API5: variants seen among roughly 807,000 people sequenced by gnomAD.
The protein encoded by API5 is FIF.
A neutral mutation model predicts 71.9 loss-of-function variants in API5; 6 were observed. That is an observed-to-expected ratio of 0.08 (90% CI 0.05 to 0.16). The LOEUF is 0.16. Among genes scored for constraint, API5 ranks in the 10% least tolerant of loss-of-function variants. The pLI is 1.00. For synonymous variants in API5, 189 were observed against 221.3 expected, an observed-to-expected ratio of 0.85 and a Z score of 1.30; for missense variants, 332 against 612.8, an observed-to-expected ratio of 0.54 and a Z score of 4.84.
chr11:43,336,537 C>T (rs1250659629), intron 13 of API5, among the ~76,000 whole-genome samples: 1 of 152,200 alleles, frequency 6.6e-6, no homozygotes, highest in East Asian at 1.9e-4. Context: ...ATCCTCCTAT[C>T]AGTGCTTCCT....
chr11:43,334,715 G>A (rs1020667088), intron 11 of API5, among the ~76,000 whole-genome samples: 1 of 151,934 alleles, frequency 6.6e-6, no homozygotes, highest in Non-Finnish European at 1.5e-5. Flanking sequence ...TGATCACTCG[G>A]TATTTAAATC....
intron 7 of API5, 56 bp from the exon 8 acceptor site, chr11:43,327,733 C>CA: frequency 8.2e-7 from 1 of 1,226,296 alleles, no homozygotes; most frequent in Non-Finnish European, 1.2e-6. Context: ...GAATTACTCT[C>CA]ATTTCATAAC....
chr11:43,313,249 T>C (rs962478495), intron 1 of API5, among the ~76,000 whole-genome samples: 1 of 152,206 alleles, frequency 6.6e-6, no homozygotes, highest in Non-Finnish European at 1.5e-5. Context: ...TTAACGATGC[T>C]TGCCCCCGAT....
In API5 at chr11:43,335,319, A is replaced by G. The variant is rs777641935; in HGVS notation, c.1320A>G (p.Thr440=). The G allele has an allele frequency of 6.8e-6, 11 of 1,607,388 alleles. No homozygotes were observed. The highest frequency in any genetic ancestry group is 1.3e-5 in the African/African-American group (1 of 74,872). ...HIPPSYKSTV[T]LSWKPVQKVE... ...CTCCTTCTTATAAGAGCACAGTAAC[A>G]CTATCCTGGAAACCTGTACAAAAGG... Residue 440 remains threonine (T), a synonymous_variant, in exon 12 of 14, where the codon ACA becomes ACG. Transcript: ENST00000531273.
intron 10 of API5, 181 bp downstream of exon 10, chr11:43,330,239 A>G: frequency 1.6e-6 from 1 of 627,782 alleles, no homozygotes; most frequent in Non-Finnish European, 2.7e-6. Flanking sequence ...TTTTAAAACA[A>G]CTTCTATGTG....
chr11:43,336,052 AC>A (rs777147477), intron 13 of API5, 58 bp downstream of exon 13: 1 of 1,582,766 alleles, frequency 6.3e-7, no homozygotes, highest in African/African-American at 1.4e-5. Context: ...ATTGTGTTAT[AC>A]TTTATTTTAA....
intron 1 of API5, among the ~76,000 whole-genome samples, chr11:43,316,095 T>C (rs966720879): frequency 5.9e-5 from 9 of 151,954 alleles, no homozygotes; most frequent in East Asian, 1.9e-4. Flanking sequence ...TCTTGGACTT[T>C]TATTTCATGA....
chr11:43,327,421 T>G (rs1305061322), intron 7 of API5, among the ~76,000 whole-genome samples: 1 of 152,250 alleles, frequency 6.6e-6, no homozygotes, highest in Non-Finnish European at 1.5e-5. Flanking sequence ...TGTGTCTTTA[T>G]AGTTAATATA....
intron 2 of API5, among the ~76,000 whole-genome samples, chr11:43,320,381 G>C (rs1854834199): frequency 6.6e-6 from 1 of 151,918 alleles, no homozygotes; most frequent in Non-Finnish European, 1.5e-5. Context: ...CTAGAAATCT[G>C]CTGTTTCATA....
chr11:43,333,131 T>C (rs889914775), intron 11 of API5, among the ~76,000 whole-genome samples: 1 of 152,122 alleles, frequency 6.6e-6, no homozygotes, highest in Non-Finnish European at 1.5e-5. Context: ...AAAACCAAAA[T>C]GCAGTCAATA....
chr11:43,326,753 T>C, intron 7 of API5, 142 bp downstream of exon 7: 2 of 553,488 alleles, frequency 3.6e-6, no homozygotes, highest in South Asian at 5.2e-5. Flanking sequence ...TAGACCAGAA[T>C]TAATTGCATT....
chr11:43,336,179 GC>G (rs1462091644), intron 13 of API5, 185 bp downstream of exon 13: 1 of 742,776 alleles, frequency 1.3e-6, no homozygotes, highest in Non-Finnish European at 2.0e-6. Context: ...ACCCTTCTGG[GC>G]TGACTGTATT....
intron 13 of API5, among the ~76,000 whole-genome samples, chr11:43,341,151 CAATA>C: frequency 6.6e-6 from 1 of 152,016 alleles, no homozygotes; most frequent in African/African-American, 2.4e-5. Context: ...TACAAATGGC[CAATA>C]AATGTATGAA....
chr11:43,322,946 T>C (rs1356104857), intron 5 of API5, among the ~76,000 whole-genome samples: 1 of 152,200 alleles, frequency 6.6e-6, no homozygotes, highest in Non-Finnish European at 1.5e-5. Context: ...AGATTTAACA[T>C]GAGACTTGCA....
chr11:43,323,693 C>T, intron 6 of API5, 57 bp downstream of exon 6: 1 of 1,508,824 alleles, frequency 6.6e-7, no homozygotes, highest in Non-Finnish European at 9.1e-7. Flanking sequence ...TCCATAAATA[C>T]TCACTTTAAC....
intron 13 of API5, among the ~76,000 whole-genome samples, chr11:43,340,764 C>T (rs1565115197): frequency 6.6e-6 from 1 of 151,810 alleles, no homozygotes; most frequent in Non-Finnish European, 1.5e-5. Flanking sequence ...ACTAGATCCG[C>T]ACCTCCCACC....
At chr11:43,340,195 G>T in intron 13 of API5, 1 of 340,176 alleles carries the variant, frequency 2.9e-6, no homozygotes, top group Non-Finnish European at 5.7e-6. Context: ...TAATAGCTGT[G>T]AAAAAAATCT....
chr11:43,339,505 A>T lies in API5; in HGVS notation c.1493-2923A>T, dbSNP rs1347613013. On this transcript the variant is annotated intron_variant, in intron 13 of 13. Coordinates refer to ENST00000531273, the MANE Select transcript of API5 (RefSeq NM_001142930.2). ...CGATCAGTTTTCTTCATGGGACGAC[A>T]CCTTTGAGGACCATTTCTCTGTGGC... The T allele has an allele frequency of 2.0e-5, 3 of 152,178 alleles. No individual in the cohort carries two copies. The East Asian group carries it at 5.8e-4, about 29-fold the overall frequency. The allele number at this position is 152,178 out of a possible 1,614,324, so 9.4% of individuals were successfully genotyped here.
At chr11:43,327,434 T>G (rs1435835992) in intron 7 of API5, among the ~76,000 whole-genome samples, 6 of 152,244 alleles carry the variant, frequency 3.9e-5, no homozygotes, top group Admixed American at 6.5e-5. Context: ...TTAATATATT[T>G]ATCATTTTTG....
Sources: allele counts gnomAD v4.1 joint callset (sites outside exome capture counted in the v4.1 genomes callset), GRCh38; gene constraint gnomAD v4.1.1; transcripts MANE v1.5; gene names NCBI Gene and HGNC (gene_info 2026-07-23, HGNC 2026-07-21).